Variants in CAGE1 observed in about 807,000 individuals in gnomAD.
CAGE1 encodes cancer antigen 1.
Under a neutral mutation model 94.9 loss-of-function variants are expected in CAGE1, and 66 were observed. That is an observed-to-expected ratio of 0.70 (90% CI 0.57 to 0.85). The LOEUF (loss-of-function observed/expected upper bound fraction) is 0.85. CAGE1 is among the 40% of genes least tolerant of loss of function. The probability of loss-of-function intolerance (pLI) is 0.00; values close to 1 mark genes in which losing one functional copy is unlikely to be tolerated. For missense variants in CAGE1, 865 were observed against 950.4 expected (o/e 0.91, Z 1.18); for synonymous variants, 319 against 321.0 (o/e 0.99, Z 0.07).
At chr6:7,368,462 T>A (rs1404934274) in intron 7 of CAGE1, among the ~76,000 whole-genome samples, 1 of 152,064 alleles carries the variant, frequency 6.6e-6, no homozygotes, top group Non-Finnish European at 1.5e-5. Context: ...AAATTTATCA[T>A]ACTAAATTTT....
chr6:7,374,550 A>G (rs879202097), intron 4 of CAGE1, among the ~76,000 whole-genome samples: 1 of 134,560 alleles, frequency 7.4e-6, no homozygotes, highest in South Asian at 2.3e-4. Context: ...TTTTTTTTTT[A>G]CATGTTATTA....
chr6:7,356,831 C>CT (rs1292416072), intron 9 of CAGE1, among the ~76,000 whole-genome samples: 1 of 152,280 alleles, frequency 6.6e-6, no homozygotes, highest in African/African-American at 2.4e-5. Context: ...GATGGAGTCT[C>CT]TGTCGCCAAG....
In CAGE1 at chr6:7,373,959, G is replaced by A. The variant is rs1760645353; in HGVS notation, c.860C>T (p.Pro287Leu). 1 of 1,614,008 alleles carries A rather than the reference G, an allele frequency of 6.2e-7. No homozygotes were observed. The highest frequency in any genetic ancestry group is 1.7e-5 in the Admixed American group (1 of 60,016). ...SEACRENCEM[P>L]DWEQSAESLQ... is the part of the protein sequence containing the mutation. ...GCTTTCAGCACTTTGCTCCCAGTCA[G>A]GCATCTCACAGTTCTCCCGACATGC... is the stretch of plus-strand genomic sequence containing the variant. The change falls in exon 5 of 14, where the codon CCT becomes CTT. Residue 287 changes from proline (P) to leucine (L), a missense_variant. By Grantham distance (98) the Pro-to-Leu change is moderately conservative (BLOSUM62 -3). Coordinates refer to ENST00000502583, the MANE Select transcript of CAGE1 (RefSeq NM_001170692.2).
chr6:7,359,593 T>A (rs1299370148), intron 9 of CAGE1, among the ~76,000 whole-genome samples: 1 of 152,100 alleles, frequency 6.6e-6, no homozygotes, highest in Admixed American at 6.6e-5. Context: ...GGAAGTCCTT[T>A]TGGAGAGCTG....
chr6:7,384,116 C>T (rs1397630304), intron 3 of CAGE1, among the ~76,000 whole-genome samples: 1 of 152,138 alleles, frequency 6.6e-6, no homozygotes, highest in Non-Finnish European at 1.5e-5. Context: ...CACTTATTGT[C>T]GCCCAGGCTG....
At chr6:7,344,990 A>T (rs1251869613) in intron 11 of CAGE1, among the ~76,000 whole-genome samples, 2 of 152,174 alleles carry the variant, frequency 1.3e-5, no homozygotes, top group African/African-American at 4.8e-5. Flanking sequence ...TCTACCAATC[A>T]GCAGGATGTG....
At position 7,386,553 on chromosome 6, in the gene CAGE1, C is replaced by T. The variant is rs532730510; in HGVS notation, c.195+426G>A. On this transcript the variant is annotated intron_variant, in intron 2 of 13. Coordinates refer to ENST00000502583, the MANE Select transcript of CAGE1 (RefSeq NM_001170692.2). ...GTCCTGCCTCTGACTGAATTGGTCA[C>T]GTCCCCTGGCTGCACTCCTGGCTAG... 4.6e-5 allele frequency among the ~76,000 whole-genome samples: 7 copies of T among 152,208 alleles called. No homozygotes were observed. The East Asian group carries it at 1.4e-3, about 29-fold the overall frequency.
intron 11 of CAGE1, among the ~76,000 whole-genome samples, chr6:7,353,279 T>C (rs1759846416): frequency 6.6e-6 from 1 of 152,070 alleles, no homozygotes; most frequent in South Asian, 2.1e-4. Flanking sequence ...CCAACAAACA[T>C]ATGACAAAAT....
chr6:7,354,121 A>C (rs576695441), intron 11 of CAGE1, among the ~76,000 whole-genome samples: 1 of 152,264 alleles, frequency 6.6e-6, no homozygotes, highest in African/African-American at 2.4e-5. Context: ...ATAAAAATAA[A>C]AATAACTGAG....
In CAGE1 at chr6:7,339,420, A is replaced by G. The variant is rs1759085402; in HGVS notation, c.2370-5330T>C. The G allele has an allele frequency of 6.6e-7, 1 of 1,514,856 alleles. No individual in the cohort carries two copies. The highest frequency in any genetic ancestry group is 1.7e-5 in the Admixed American group (1 of 59,884). The allele number at this position is 1,514,856 out of a possible 1,614,324, so 93.8% of individuals were successfully genotyped here. On this transcript the variant is annotated intron_variant, in intron 11 of 13. Transcript: ENST00000502583. The surrounding 1 kb of genome is among the most constrained non-coding windows in gnomAD (Gnocchi z 4.7). ...AACATTCTGTGTTCTGGTGGCTAAGACAATGATTTCTGTCCTGGTTGGTGT... is the reference window on the plus strand; with the variant it reads ...AACATTCTGTGTTCTGGTGGCTAAGGCAATGATTTCTGTCCTGGTTGGTGT...
intron 11 of CAGE1, chr6:7,341,560 C>T (rs1759176595): frequency 8.4e-7 from 1 of 1,186,514 alleles, no homozygotes; most frequent in Non-Finnish European, 1.3e-6. Flanking sequence ...GACCTTTTTC[C>T]TCTCAGGCCT....
At chr6:7,376,383 C>T (rs1414294026) in intron 4 of CAGE1, among the ~76,000 whole-genome samples, 1 of 143,188 alleles carries the variant, frequency 7.0e-6, no homozygotes, top group East Asian at 2.2e-4. Flanking sequence ...AGCGAGACTC[C>T]ATCTCAAAAT....
chr6:7,345,203 TC>T (rs1202390186), intron 11 of CAGE1, among the ~76,000 whole-genome samples: 4 of 107,998 alleles, frequency 3.7e-5, no homozygotes, highest in African/African-American at 2.1e-4. Context: ...GTAGTTTCAC[TC>T]TTTGAAGTTA....
rs766691727 is a variant in CAGE1, at chr6:7,373,607, T to A, written c.1212A>T (p.Glu404Asp). 6.2e-7 allele frequency: 1 copy of A among 1,613,482 alleles called. No individual in the cohort carries two copies. The highest frequency in any genetic ancestry group is 8.5e-7 in the Non-Finnish European group (1 of 1,179,784). ...TCTTCTTAAATTGAAGCTGTAACAT[T>A]TCCTTGTCATTCCTGGATTCCTGAA... is the stretch of plus-strand genomic sequence containing the variant. ...KHLQESRNDK[E>D]MLQLQFKKIK... Residue 404 changes from glutamate to aspartate, a missense_variant, in exon 5 of 14, where the codon GAA becomes GAT. Transcript: ENST00000502583.
chr6:7,328,924 A>ATTT (rs1264134177), intron 13 of CAGE1, among the ~76,000 whole-genome samples: 10 of 74,132 alleles, frequency 1.3e-4, no homozygotes, highest in Admixed American at 5.0e-4. Flanking sequence ...GTGTGTATAT[A>ATTT]TATATATATA....
Position 7,353,697 on chromosome 6 carries a change from A to G in CAGE1, c.2369+1344T>C, listed in dbSNP as rs939171341. Among the ~76,000 whole-genome samples the G allele has an allele frequency of 0.013, 37 of 2,906 alleles. No individual in the cohort carries two copies. In the African/African-American group the frequency reaches 0.15, roughly 12 times the overall value. 1.9% of individuals were successfully genotyped at this position (2,906 alleles called of 152,430 possible). A position where few individuals can be genotyped will look rare whatever the true frequency, so the allele number is the denominator to read the frequency against. On this transcript the variant is annotated intron_variant, in intron 11 of 13. Transcript: ENST00000502583. The stretch of plus-strand genomic sequence containing the variant: ...AAAGAAACTGTTATTATATATATGT[A>G]CACACACACACACACACACACACAC...
chr6:7,350,184 G>C (rs1217693899), intron 11 of CAGE1, among the ~76,000 whole-genome samples: 3 of 152,116 alleles, frequency 2.0e-5, no homozygotes, highest in Non-Finnish European at 4.4e-5. Flanking sequence ...ATGGTAAAAA[G>C]CCTCGTCCAA....
Position 7,339,461 on chromosome 6 carries a change from T to C in CAGE1, c.2370-5371A>G. 9.3e-7 allele frequency: 1 copy of C among 1,077,318 alleles called. No homozygotes were observed. Among genetic ancestry groups the C allele is most frequent in the South Asian group, 1.2e-5 (1 of 80,320 alleles). 66.7% of individuals were successfully genotyped at this position (1,077,318 alleles called of 1,614,324 possible). A position where few individuals can be genotyped will look rare whatever the true frequency, so the allele number is the denominator to read the frequency against. On this transcript the variant is annotated intron_variant, in intron 11 of 13. Transcript: ENST00000502583. The surrounding 1 kb of genome is among the most constrained non-coding windows in gnomAD (Gnocchi z 4.7). ...TGGTTGGTGTAACTCGCATCTCAACTCCAGAGTAGCCATCTTCAGCCAGCT... is the reference window on the plus strand; with the variant it reads ...TGGTTGGTGTAACTCGCATCTCAACCCCAGAGTAGCCATCTTCAGCCAGCT...
rs960026956 is a variant in CAGE1 at position 7,341,094 on chromosome 6, C to T, written c.2370-7004G>A. The T allele has an allele frequency of 3.9e-5, 21 of 538,228 alleles. No individual in the cohort carries two copies. In the Admixed American group the frequency reaches 4.1e-4, roughly 11 times the overall value. The allele number at this position is 538,228 out of a possible 1,614,324, so 33.3% of individuals were successfully genotyped here. A position where few individuals can be genotyped will look rare whatever the true frequency, so the allele number is the denominator to read the frequency against. On this transcript the variant is annotated intron_variant, in intron 11 of 13. Transcript: ENST00000502583. ...AGCTGCAGCTGTGAAAGGGGATCTCCAATGCCTTTAGCTTGGCAGTGATGT... is the reference window on the plus strand; with the variant it reads ...AGCTGCAGCTGTGAAAGGGGATCTCTAATGCCTTTAGCTTGGCAGTGATGT...
Sources: gnomAD v4.1 joint callset for allele counts (sites outside exome capture counted in the v4.1 genomes callset) on GRCh38, gnomAD v4.1.1 for gene constraint, Gnocchi (gnomAD v3.1) non-coding constraint, MANE v1.5 for transcripts, NCBI Gene and HGNC (gene_info 2026-07-23, HGNC 2026-07-21) for gene names.